Variants in EDIL3 observed in about 807,000 individuals in gnomAD.
EDIL3 encodes the protein EGF-like repeat and discoidin I-like domain-containing protein 3.
Under a neutral mutation model 67.4 loss-of-function variants are expected in EDIL3, and 37 were observed. The ratio of observed to expected loss-of-function variants is 0.55; its 90% CI spans 0.42 to 0.72. The LOEUF is 0.72. Among genes scored for constraint, EDIL3 ranks in the 30% least tolerant of loss-of-function variants. The probability of loss-of-function intolerance (pLI) is 0.00; values close to 1 mark genes in which losing one functional copy is unlikely to be tolerated. For synonymous variants in EDIL3, 195 were observed against 196.3 expected, an observed-to-expected ratio of 0.99 and a Z score of 0.05; for missense variants, 527 against 586.3, an observed-to-expected ratio of 0.90 and a Z score of 1.04.
chr5:83,958,834 A>C (rs1744559385), intron 10 of EDIL3, among the ~76,000 whole-genome samples: 2 of 151,480 alleles, frequency 1.3e-5, no homozygotes, highest in African/African-American at 4.8e-5. Flanking sequence ...TGTCACTTTC[A>C]TAAGAGCAAA....
Position 83,984,704 on chromosome 5 carries a change from T to C in EDIL3, c.1138-21344A>G, listed in dbSNP as rs1360906383. On this transcript the variant is annotated intron_variant, in intron 9 of 10. Transcript: ENST00000296591. ...GCAGAGCAGGAAGCCAGGCAGATCATTATGTTGAATTCTATCTATGTGAAC... is the reference window on the plus strand; with the variant it reads ...GCAGAGCAGGAAGCCAGGCAGATCACTATGTTGAATTCTATCTATGTGAAC... Among the ~76,000 whole-genome samples the C allele has an allele frequency of 5.9e-5, 9 of 151,910 alleles. No individual in the cohort carries two copies. In the South Asian group the frequency reaches 1.2e-3, roughly 21 times the overall value.
chr5:84,318,237 T>C (rs1746554963), intron 1 of EDIL3, among the ~76,000 whole-genome samples: 1 of 152,048 alleles, frequency 6.6e-6, no homozygotes, highest in Admixed American at 6.5e-5. Flanking sequence ...ACTGCCCAAA[T>C]TAATTTACAG....
chr5:83,995,494 T>A (rs1745223643), intron 9 of EDIL3, among the ~76,000 whole-genome samples: 1 of 152,118 alleles, frequency 6.6e-6, no homozygotes, highest in Non-Finnish European at 1.5e-5. Flanking sequence ...AACTGCTGAG[T>A]CGTTGCATAC....
intron 2 of EDIL3, among the ~76,000 whole-genome samples, chr5:84,247,234 C>T (rs79820918): frequency 0.015 from 2,246 of 152,190 alleles, 51 homozygotes; most frequent in African/African-American, 0.05. Context: ...CCGACAACTA[C>T]TCACAATTTC....
chr5:84,138,868 A>G (rs1340297389), intron 4 of EDIL3, among the ~76,000 whole-genome samples: 1 of 152,206 alleles, frequency 6.6e-6, no homozygotes, highest in Non-Finnish European at 1.5e-5. Flanking sequence ...AAATAATTTG[A>G]GTACCTCATA....
intron 4 of EDIL3, among the ~76,000 whole-genome samples, chr5:84,141,518 A>G (rs1748188322): frequency 6.8e-6 from 1 of 147,370 alleles, no homozygotes; most frequent in South Asian, 2.1e-4. Flanking sequence ...TATATTACAT[A>G]TATGCGATAT....
rs147524228 is a variant in EDIL3, at chr5:84,056,822, C to T, written c.1137+3478G>A. Among the ~76,000 whole-genome samples the T allele has an allele frequency of 2.2e-3, 335 of 152,114 alleles. 3 individuals carry two copies. Among genetic ancestry groups the T allele is most frequent in the African/African-American group, 7.6e-3 (314 of 41,516 alleles). ...GTTAAAAATATACCTAATTCAGAGG[C>T]GTCTGATTTTATAAATACATTCAGG... On this transcript the variant is annotated intron_variant, in intron 9 of 10. Coordinates refer to ENST00000296591, the MANE Select transcript of EDIL3 (RefSeq NM_005711.5).
intron 4 of EDIL3, among the ~76,000 whole-genome samples, chr5:84,139,457 A>G (rs1468826869): frequency 6.6e-6 from 1 of 152,166 alleles, no homozygotes; most frequent in Non-Finnish European, 1.5e-5. Context: ...ATATTAAACT[A>G]TATTTATATT....
At chr5:84,053,508 A>G (rs1232597122) in intron 9 of EDIL3, among the ~76,000 whole-genome samples, 1 of 152,184 alleles carries the variant, frequency 6.6e-6, no homozygotes, top group Non-Finnish European at 1.5e-5. Context: ...CAAAAAATCA[A>G]TGAATCCAGG....
intron 5 of EDIL3, among the ~76,000 whole-genome samples, chr5:84,118,800 C>G (rs1181432782): frequency 6.6e-6 from 1 of 152,096 alleles, no homozygotes; most frequent in Non-Finnish European, 1.5e-5. Context: ...TAGGATTACA[C>G]AGGAAGCTTT....
At chr5:84,277,963 C>T (rs994255359) in intron 1 of EDIL3, among the ~76,000 whole-genome samples, 9 of 152,168 alleles carry the variant, frequency 5.9e-5, no homozygotes, top group Admixed American at 1.3e-4. Context: ...ATCCATGTCA[C>T]TGGAAATCTA....
chr5:84,060,368 G>A lies in EDIL3; in HGVS notation c.1069C>T (p.Arg357Trp), dbSNP rs116620560. The change falls in exon 9 of 11, where the codon CGG (arginine) becomes TGG (tryptophan). Residue 357 changes from arginine to tryptophan, a missense_variant. Arg to Trp is a moderately radical substitution (Grantham distance 101). This residue lies in a region of EDIL3 where 494 missense variants were observed against 522.5 expected (regional missense o/e 0.95). Coordinates refer to ENST00000296591, the MANE Select transcript of EDIL3 (RefSeq NM_005711.5). ...DMFTWEPRKA[R>W]LDKQGKVNAW... ...TTCACTTTGCCTTGCTTGTCCAGCCGAGCTTTCCTTGGTTCCCAAGTGAAC... is the reference window on the plus strand; with the variant it reads ...TTCACTTTGCCTTGCTTGTCCAGCCAAGCTTTCCTTGGTTCCCAAGTGAAC... 5.6e-6 allele frequency: 9 copies of A among 1,613,838 alleles called. No individual in the cohort carries two copies. Among genetic ancestry groups the A allele is most frequent in the Non-Finnish European group, 7.6e-6 (9 of 1,179,842 alleles).
At chr5:84,039,589 T>C (rs1177084276) in intron 9 of EDIL3, among the ~76,000 whole-genome samples, 3 of 152,298 alleles carry the variant, frequency 2.0e-5, no homozygotes, top group African/African-American at 7.2e-5. Flanking sequence ...AAATCATCAT[T>C]ATATCAGCAT....
intron 1 of EDIL3, among the ~76,000 whole-genome samples, chr5:84,312,107 C>A (rs10059637): frequency 0.013 from 1,896 of 150,490 alleles, 35 homozygotes; most frequent in African/African-American, 0.043. Context: ...GGCTGGGCAG[C>A]GGGGCTCCTC....
intron 1 of EDIL3, among the ~76,000 whole-genome samples, chr5:84,350,698 T>G (rs1427816775): frequency 6.8e-6 from 1 of 147,714 alleles, no homozygotes. Flanking sequence ...CATGGACACA[T>G]GTTTTCTACC....
chr5:84,320,191 T>A (rs1746607501), intron 1 of EDIL3, among the ~76,000 whole-genome samples: 1 of 151,972 alleles, frequency 6.6e-6, no homozygotes. Context: ...CCAAAAAAAA[T>A]GTTGCCTGCA....
chr5:83,992,289 A>G (rs1745164061), intron 9 of EDIL3, among the ~76,000 whole-genome samples: 1 of 152,082 alleles, frequency 6.6e-6, no homozygotes, highest in African/African-American at 2.4e-5. Flanking sequence ...TATTTCATGA[A>G]CTCTTTAGAT....
chr5:84,382,017 A>G (rs779812134), intron 1 of EDIL3, among the ~76,000 whole-genome samples: 2 of 152,366 alleles, frequency 1.3e-5, no homozygotes, highest in South Asian at 2.1e-4. Context: ...ACTGGCTTCA[A>G]TAAGTTTGCC....
intron 3 of EDIL3, among the ~76,000 whole-genome samples, chr5:84,208,864 C>G (rs1309760679): frequency 6.6e-6 from 1 of 151,802 alleles, no homozygotes; most frequent in Admixed American, 6.6e-5. Flanking sequence ...ACCCAGCCAT[C>G]CCATTACTGG....
Sources: allele counts gnomAD v4.1 joint callset (sites outside exome capture counted in the v4.1 genomes callset), GRCh38; gene constraint gnomAD v4.1.1; regional missense constraint gnomAD v4.1.1; transcripts MANE v1.5; gene names NCBI Gene and HGNC (gene_info 2026-07-23, HGNC 2026-07-21).